The following KLRD1 variants were observed in gnomAD, a reference collection of about 807,000 sequenced individuals.
The protein encoded by KLRD1 is natural killer cells antigen CD94.
Under a neutral mutation model 22.6 loss-of-function variants are expected in KLRD1, and 21 were observed. The observed-to-expected ratio is 0.93, with a 90% CI of 0.66 to 1.34. KLRD1 has a LOEUF of 1.34. Among genes scored for constraint, KLRD1 ranks in the 40% most tolerant of loss-of-function variants. KLRD1 has a pLI of 0.00. For missense variants in KLRD1, 183 were observed against 208.6 expected (o/e 0.88, Z 0.76); for synonymous variants, 59 against 71.1 (o/e 0.83, Z 0.85).
At chr12:10,302,547 G>C (rs957615209), upstream of KLRD1, among the ~76,000 whole-genome samples, 1 of 152,114 alleles carries the variant, frequency 6.6e-6, no homozygotes, top group East Asian at 1.9e-4. Flanking sequence ...GGTAGAACTG[G>C]AGTTATCACT....
chr12:10,288,112 G>A (rs1949726975), intron 1 of KLRD1, among the ~76,000 whole-genome samples: 1 of 150,488 alleles, frequency 6.6e-6, no homozygotes, highest in East Asian at 1.9e-4. Flanking sequence ...GCATGGTGGT[G>A]CGTGCCTGTA....
intron 1 of KLRD1, among the ~76,000 whole-genome samples, chr12:10,268,420 C>T (rs1190470968): frequency 6.6e-6 from 1 of 152,064 alleles, no homozygotes; most frequent in Non-Finnish European, 1.5e-5. Flanking sequence ...TTAAAGATAT[C>T]TAAGAAGAAA....
intron 1 of KLRD1, among the ~76,000 whole-genome samples, chr12:10,259,994 A>G (rs1949436834): frequency 6.6e-6 from 1 of 152,184 alleles, no homozygotes; most frequent in South Asian, 2.1e-4. Context: ...AAAAAAAGAT[A>G]TTCTTCTAGT....
Position 10,239,571 on chromosome 12 carries a change from CTTTCTTTCTTTCTT to C in KLRD1, c.-101+13354_-101+13367del, listed in dbSNP as rs1223100880. On this transcript the variant is annotated intron_variant, in intron 1 of 5. Coordinates refer to the KLRD1 transcript ENST00000544747. Reference sequence around the variant, plus strand: ...TCTTTCTTTCTTTCTTTCTTTCTTTCTTTCTTTCTTTCTTTTTCTTTCTTTCTTTCTCTCTCTTT... The same window carrying C: ...TCTTTCTTTCTTTCTTTCTTTCTTTCTTTCTTTCTTTCTTTCTCTCTCTTT... Among the ~76,000 whole-genome samples, 341 of 120,234 alleles carry C rather than the reference CTTTCTTTCTTTCTT, an allele frequency of 2.8e-3. 6 individuals are homozygous for C. The highest frequency in any genetic ancestry group is 0.011 in the African/African-American group (324 of 29,248). The allele number at this position is 120,234 out of a possible 152,430, so 78.9% of individuals were successfully genotyped here.
In KLRD1 at chr12:10,319,706, T is replaced by C. The variant is rs1376860270; in HGVS notation, c.*4913T>C. 6.6e-6 allele frequency: 1 copy of C among 151,994 alleles called. No homozygotes were observed. Among genetic ancestry groups the C allele is most frequent in the East Asian group, 1.9e-4 (1 of 5,170 alleles). 9.4% of individuals were successfully genotyped at this position (151,994 alleles called of 1,614,324 possible). A position where few individuals can be genotyped will look rare whatever the true frequency, so the allele number is the denominator to read the frequency against. ...AGCCATGCTATGAGCCTTCTTTGCT[T>C]GTATAGGCTCCAGTCTTAGTCAAGC... On this transcript the variant is annotated 3_prime_UTR_variant, in exon 6 of 6. Coordinates refer to ENST00000336164, the MANE Select transcript of KLRD1 (RefSeq NM_002262.5).
intron 1 of KLRD1, among the ~76,000 whole-genome samples, chr12:10,250,844 C>T (rs1291423688): frequency 6.6e-6 from 1 of 152,002 alleles, no homozygotes; most frequent in Non-Finnish European, 1.5e-5. Flanking sequence ...GGTCTTGGGT[C>T]TGTGAAGCTA....
At chr12:10,244,412 G>T (rs1222555887) in intron 1 of KLRD1, among the ~76,000 whole-genome samples, 1 of 152,052 alleles carries the variant, frequency 6.6e-6, no homozygotes, top group Non-Finnish European at 1.5e-5. Context: ...AGTGTCTGGG[G>T]TATCAAGCTC....
intron 2 of KLRD1, 65 bp downstream of exon 2, chr12:10,309,545 G>A (rs1353397652): frequency 2.4e-6 from 3 of 1,255,546 alleles, no homozygotes; most frequent in East Asian, 4.6e-5. Context: ...AATAATAAAG[G>A]CTTCATCTTG....
rs188730956 is a variant in KLRD1 at position 10,244,896 on chromosome 12, A to G, written c.-101+18663A>G. Among the ~76,000 whole-genome samples the G allele has an allele frequency of 2.4e-4, 36 of 152,330 alleles. No homozygotes were observed. In the East Asian group the frequency reaches 6.9e-3, roughly 29 times the overall value. ...GGTAATGCAGTACTGATTTAATTTA[A>G]ATATAACCTATATTGATGGTTAATA... On this transcript the variant is annotated intron_variant, in intron 1 of 5. Coordinates refer to the KLRD1 transcript ENST00000544747.
chr12:10,285,576 T>C (rs11053732), intron 1 of KLRD1, among the ~76,000 whole-genome samples: 129 of 152,230 alleles, frequency 8.5e-4, no homozygotes, highest in Non-Finnish European at 1.6e-3. Flanking sequence ...TTATTTAACA[T>C]CTTTCTTCAT....
intron 1 of KLRD1, among the ~76,000 whole-genome samples, chr12:10,282,239 T>G (rs1471071348): frequency 6.6e-6 from 1 of 152,038 alleles, no homozygotes; most frequent in Non-Finnish European, 1.5e-5. Flanking sequence ...TAAAAACATA[T>G]ACACATATGT....
chr12:10,307,970 A>G lies in KLRD1; in HGVS notation c.-108A>G, dbSNP rs1170809602. 4.0e-6 allele frequency: 4 copies of G among 992,798 alleles called. No homozygotes were observed. Among genetic ancestry groups the G allele is most frequent in the Non-Finnish European group, 6.3e-6 (4 of 635,848 alleles). The allele number at this position is 992,798 out of a possible 1,614,324, so 61.5% of individuals were successfully genotyped here. A position where few individuals can be genotyped will look rare whatever the true frequency, so the allele number is the denominator to read the frequency against. On this transcript the variant is annotated 5_prime_UTR_variant, in exon 1 of 6. Coordinates refer to ENST00000336164, the MANE Select transcript of KLRD1 (RefSeq NM_002262.5). ...TTTTTGCTAAATTTCTTCATACTCA[A>G]CTTTCAGATTCTTTAATCTCCAGCT...
intron 1 of KLRD1, among the ~76,000 whole-genome samples, chr12:10,240,383 T>C (rs1435045121): frequency 6.7e-6 from 1 of 149,220 alleles, no homozygotes. Flanking sequence ...TCTACATGCC[T>C]TTTTTTTTTC....
At chr12:10,248,976 C>A (rs992342394) in intron 1 of KLRD1, among the ~76,000 whole-genome samples, 22 of 152,142 alleles carry the variant, frequency 1.4e-4, no homozygotes, top group Non-Finnish European at 2.4e-4. Flanking sequence ...CATTACCATT[C>A]TGTTACAATG....
At chr12:10,285,015 C>A (rs545441869) in intron 1 of KLRD1, among the ~76,000 whole-genome samples, 16 of 152,162 alleles carry the variant, frequency 1.1e-4, no homozygotes, top group South Asian at 6.2e-4. Context: ...CTGTATCCTA[C>A]ACATCATTTA....
chr12:10,258,244 A>G (rs1372965765), intron 1 of KLRD1, among the ~76,000 whole-genome samples: 2 of 57,624 alleles, frequency 3.5e-5, no homozygotes, highest in Non-Finnish European at 1.6e-4. Flanking sequence ...AGTTGTGCTT[A>G]GCTCAAGCTC....
upstream of KLRD1, among the ~76,000 whole-genome samples, chr12:10,299,760 T>C (rs1949851773): frequency 6.6e-6 from 1 of 152,146 alleles, no homozygotes; most frequent in Non-Finnish European, 1.5e-5. Flanking sequence ...AATGAAAGAT[T>C]CTCTGTAGCA....
chr12:10,268,316 A>G (rs544688828), intron 1 of KLRD1, among the ~76,000 whole-genome samples: 1 of 152,204 alleles, frequency 6.6e-6, no homozygotes, highest in Non-Finnish European at 1.5e-5. Flanking sequence ...AGTTAACAGT[A>G]TTAAAGTATG....
chr12:10,308,312 T>C, intron 1 of KLRD1: 1 of 522,106 alleles, frequency 1.9e-6, no homozygotes, highest in Non-Finnish European at 3.4e-6. Flanking sequence ...GAGTGGTTTC[T>C]GACAGGGCTA....
Sources: allele counts gnomAD v4.1 joint callset (sites outside exome capture counted in the v4.1 genomes callset), GRCh38; gene constraint gnomAD v4.1.1; transcripts MANE v1.5; gene names NCBI Gene and HGNC (gene_info 2026-07-23, HGNC 2026-07-21).